The following JCAD variants were observed in gnomAD, a reference collection of about 807,000 sequenced individuals.
JCAD encodes junctional cadherin 5 associated, also known as junctional cadherin 5-associated protein.
Under a neutral mutation model 98.0 loss-of-function variants are expected in JCAD, and 40 were observed. The ratio of observed to expected loss-of-function variants is 0.41; its 90% CI spans 0.32 to 0.53. The LOEUF is 0.53. Ranked by LOEUF, JCAD falls within the 20% of genes least tolerant of loss-of-function variation. JCAD has a pLI of 0.31. For missense variants in JCAD, 1,705 were observed against 1,738.1 expected, an observed-to-expected ratio of 0.98 and a Z score of 0.34; for synonymous variants, 691 against 682.3, an observed-to-expected ratio of 1.01 and a Z score of -0.20.
chr10:30,115,136 T>C (rs1838769809), intron 1 of JCAD, among the ~76,000 whole-genome samples: 2 of 152,164 alleles, frequency 1.3e-5, no homozygotes, highest in Non-Finnish European at 2.9e-5. Flanking sequence ...CAACGAAGCA[T>C]CTCTCTTTCT....
rs1212084993 is a variant in JCAD at position 30,059,283 on chromosome 10, G to A, written c.-60+199C>T. ...CCTCCACCCCGAGGCTGCCGGGCTAGGCACCGCGCGGGGGGCCCAGGCGGG... is the reference window on the plus strand; with the variant it reads ...CCTCCACCCCGAGGCTGCCGGGCTAAGCACCGCGCGGGGGGCCCAGGCGGG... On this transcript the variant is annotated intron_variant, in intron 1 of 3. Transcript: ENST00000375377. The surrounding 1 kb of genome is among the most constrained non-coding windows in gnomAD (Gnocchi z 5.0). Among the ~76,000 whole-genome samples the A allele has an allele frequency of 6.6e-6, 1 of 151,290 alleles. No individual in the cohort carries two copies. The highest frequency in any genetic ancestry group is 1.5e-5 in the Non-Finnish European group (1 of 67,664).
At position 30,081,621 on chromosome 10, in the gene JCAD, G is replaced by A. The variant is rs139521512; in HGVS notation, n.129-11800C>T. ...TAATTTTTGTATTTTTAGTAGAGACGGGGTTTCGCCATGTTTGCCAGGCTG... is the reference window on the plus strand; with the variant it reads ...TAATTTTTGTATTTTTAGTAGAGACAGGGTTTCGCCATGTTTGCCAGGCTG... On this transcript the variant is annotated intron_variant and non_coding_transcript_variant, in intron 1 of 2. Coordinates refer to the JCAD transcript ENST00000465712. Among the ~76,000 whole-genome samples the A allele has an allele frequency of 3.1e-3, 468 of 152,140 alleles. 1 individual carries two copies. Among genetic ancestry groups the A allele is most frequent in the African/African-American group, 0.01 (433 of 41,512 alleles).
At position 30,026,665 on chromosome 10, in the gene JCAD, C is replaced by T; in HGVS notation, c.3483G>A (p.Gly1161=). Residue 1161 remains glycine, a synonymous_variant, in exon 3 of 4, where the codon GGG becomes GGA. Transcript: ENST00000375377. The part of the protein sequence containing the change: ...CGWTKSPLFV[G]DRDSARRAPQ... Reference sequence around the variant, plus strand: ...GAGCCCGCCTGGCACTGTCCCTGTCCCCTACAAAGAGAGGGCTCTTGGTCC... The same window carrying T: ...GAGCCCGCCTGGCACTGTCCCTGTCTCCTACAAAGAGAGGGCTCTTGGTCC... 1 of 1,613,330 alleles carries T rather than the reference C, an allele frequency of 6.2e-7. No individual in the cohort carries two copies.
chr10:30,102,671 A>G (rs1838491636), intron 1 of JCAD, among the ~76,000 whole-genome samples: 1 of 152,224 alleles, frequency 6.6e-6, no homozygotes, highest in Non-Finnish European at 1.5e-5. Context: ...GATTCCTTAT[A>G]TAAGCAGAAT....
intron 1 of JCAD, among the ~76,000 whole-genome samples, chr10:30,054,560 T>A (rs1837529412): frequency 6.6e-6 from 1 of 151,888 alleles, no homozygotes; most frequent in African/African-American, 2.4e-5. Flanking sequence ...TCATTATTCA[T>A]AACTTAATAT....
At chr10:30,082,270 AG>A (rs1838099419) in intron 1 of JCAD, among the ~76,000 whole-genome samples, 1 of 152,156 alleles carries the variant, frequency 6.6e-6, no homozygotes, top group Non-Finnish European at 1.5e-5. Flanking sequence ...TACTAAGAAA[AG>A]CTCTCACTTA....
chr10:30,057,826 T>C (rs1355793644), intron 1 of JCAD, among the ~76,000 whole-genome samples: 1 of 152,204 alleles, frequency 6.6e-6, no homozygotes, highest in East Asian at 1.9e-4. Flanking sequence ...AGACACCTAA[T>C]GTCAAGGTAA....
At chr10:30,031,584 G>A (rs1036135000) in intron 2 of JCAD, among the ~76,000 whole-genome samples, 5 of 151,054 alleles carry the variant, frequency 3.3e-5, no homozygotes, top group Non-Finnish European at 7.4e-5. Flanking sequence ...TGGGATTACA[G>A]GCACCTGCCA....
At chr10:30,082,290 C>A (rs1405978300) in intron 1 of JCAD, among the ~76,000 whole-genome samples, 1 of 152,058 alleles carries the variant, frequency 6.6e-6, no homozygotes. Context: ...TAATCTAATA[C>A]CTTAGGTTAT....
intron 1 of JCAD, among the ~76,000 whole-genome samples, chr10:30,115,048 C>T (rs964426443): frequency 6.6e-6 from 1 of 152,160 alleles, no homozygotes; most frequent in Non-Finnish European, 1.5e-5. Context: ...AGAGCCACTG[C>T]CCCAGACAGT....
chr10:30,079,315 C>G (rs967199791), intron 1 of JCAD, among the ~76,000 whole-genome samples: 4 of 135,450 alleles, frequency 3.0e-5, no homozygotes, highest in Non-Finnish European at 4.6e-5. Flanking sequence ...CCACTGCACT[C>G]TAGCCTGGGC....
At chr10:30,074,637 G>C (rs111258730) in intron 1 of JCAD, among the ~76,000 whole-genome samples, 4 of 152,294 alleles carry the variant, frequency 2.6e-5, no homozygotes, top group African/African-American at 7.2e-5. Flanking sequence ...ATTCAAAAAG[G>C]GTCTGGAAGA....
chr10:30,035,009 CTT>C (rs1837081087), intron 2 of JCAD, among the ~76,000 whole-genome samples: 1 of 152,126 alleles, frequency 6.6e-6, no homozygotes, highest in Non-Finnish European at 1.5e-5. Context: ...GATTGCATGA[CTT>C]TAGGGAGGAA....
At position 30,020,216 on chromosome 10, in the gene JCAD, A is replaced by G. The variant is rs539871659; in HGVS notation, c.4046-2299T>C. Among the ~76,000 whole-genome samples, 19 of 151,068 alleles carry G rather than the reference A, an allele frequency of 1.3e-4. 2 individuals are homozygous for G. The South Asian group carries it at 3.1e-3, about 25-fold the overall frequency. On this transcript the variant is annotated intron_variant, in intron 3 of 3. Transcript: ENST00000375377. ...GTGGTACATGCCTGTAGTTCTAGCTACTCGGGAGGCTGAGGCACGAGAATC... is the reference window on the plus strand; with the variant it reads ...GTGGTACATGCCTGTAGTTCTAGCTGCTCGGGAGGCTGAGGCACGAGAATC...
At chr10:30,087,706 A>G (rs531523965) in intron 1 of JCAD, among the ~76,000 whole-genome samples, 17 of 152,226 alleles carry the variant, frequency 1.1e-4, no homozygotes, top group Non-Finnish European at 1.8e-4. Context: ...CCATTTTTTC[A>G]GTAATACAAT....
intron 3 of JCAD, among the ~76,000 whole-genome samples, chr10:30,019,971 C>G (rs1398452101): frequency 7.3e-6 from 1 of 136,642 alleles, no homozygotes; most frequent in East Asian, 2.1e-4. Flanking sequence ...TCGGCATGGT[C>G]AAAAAAGGTG....
chr10:30,052,152 G>C (rs1251253592), intron 1 of JCAD, among the ~76,000 whole-genome samples: 3 of 152,172 alleles, frequency 2.0e-5, no homozygotes, highest in Admixed American at 2.0e-4. Context: ...TGCTGTTAAC[G>C]ATCCACTGAC....
intron 3 of JCAD, among the ~76,000 whole-genome samples, chr10:30,019,181 C>T (rs551346556): frequency 6.6e-6 from 1 of 151,802 alleles, no homozygotes; most frequent in East Asian, 1.9e-4. Context: ...CATGCAAAAA[C>T]CCCATCTATA....
chr10:30,019,944 A>G (rs1049472182), intron 3 of JCAD, among the ~76,000 whole-genome samples: 11 of 151,740 alleles, frequency 7.2e-5, no homozygotes, highest in Non-Finnish European at 1.5e-4. Flanking sequence ...AAGAAAAAGG[A>G]AAAAAAACAG....
Sources: allele counts gnomAD v4.1 joint callset (sites outside exome capture counted in the v4.1 genomes callset), GRCh38; gene constraint gnomAD v4.1.1; non-coding constraint Gnocchi (gnomAD v3.1); transcripts MANE v1.5; gene names NCBI Gene and HGNC (gene_info 2026-07-23, HGNC 2026-07-21).